Variants in PDE4D observed in about 807,000 individuals in gnomAD.
The protein encoded by PDE4D is phosphodiesterase 4D, also known as 3',5'-cyclic-AMP phosphodiesterase 4D.
PDE4D carries 24 observed loss-of-function variants against 87.4 expected under a neutral mutation model. The observed-to-expected ratio is 0.27, with a 90% CI of 0.20 to 0.39. The LOEUF (loss-of-function observed/expected upper bound fraction) is 0.39, where lower values mean the gene tolerates loss of function less well. Among genes scored for constraint, PDE4D ranks in the 10% least tolerant of loss-of-function variants. The pLI is 1.00. For synonymous variants in PDE4D, 384 were observed against 383.2 expected (o/e 1.00, Z -0.02); for missense variants, 714 against 1,041.0 (o/e 0.69, Z 4.32).
intron 1 of PDE4D, among the ~76,000 whole-genome samples, chr5:59,288,665 T>C (rs966413978): frequency 4.0e-5 from 6 of 151,418 alleles, no homozygotes; most frequent in South Asian, 2.1e-4. Flanking sequence ...ATACTCAAAC[T>C]CACAAAGGTC....
chr5:59,431,715 T>C (rs969138180), intron 1 of PDE4D, among the ~76,000 whole-genome samples: 3 of 152,078 alleles, frequency 2.0e-5, no homozygotes, highest in Non-Finnish European at 4.4e-5. Context: ...GTTGTACAGA[T>C]TATTTCATCA....
At position 58,977,363 on chromosome 5, in the gene PDE4D, G is replaced by T; in HGVS notation, c.1553-18C>A. The T allele has an allele frequency of 6.3e-7, 1 of 1,594,780 alleles. No homozygotes were observed. On this transcript the variant is annotated intron_variant, in intron 11 of 14. Coordinates refer to ENST00000340635, the MANE Select transcript of PDE4D (RefSeq NM_001104631.2). ...TTCAGAGTCTGTAAAAAAGACAAAAGGCCAAAGATCAGCAAAACTGTTTGT... is the reference window on the plus strand; with the variant it reads ...TTCAGAGTCTGTAAAAAAGACAAAATGCCAAAGATCAGCAAAACTGTTTGT...
At chr5:59,689,079 T>C (rs1750436263) in intron 1 of PDE4D, among the ~76,000 whole-genome samples, 1 of 152,074 alleles carries the variant, frequency 6.6e-6, no homozygotes. Flanking sequence ...CAATAATTAA[T>C]AGCCTACCAA....
intron 1 of PDE4D, among the ~76,000 whole-genome samples, chr5:59,627,994 T>C (rs1407071310): frequency 6.6e-6 from 1 of 152,226 alleles, no homozygotes; most frequent in Non-Finnish European, 1.5e-5. Context: ...CTTAAAGTTG[T>C]GTAAAACAGA....
At chr5:59,420,703 A>C (rs1439832378) in intron 1 of PDE4D, among the ~76,000 whole-genome samples, 1 of 151,968 alleles carries the variant, frequency 6.6e-6, no homozygotes, top group Non-Finnish European at 1.5e-5. Flanking sequence ...AAAAAAAAAA[A>C]AAACAAGAAA....
At chr5:59,217,375 C>T (rs757663579) in intron 1 of PDE4D, 12 of 430,556 alleles carry the variant, frequency 2.8e-5, no homozygotes, top group Non-Finnish European at 4.6e-5. Context: ...CCTTTATTTT[C>T]TTTATCGGAG....
At chr5:60,246,526 ACAGTC>A (rs1747800996) in intron 1 of PDE4D, among the ~76,000 whole-genome samples, 1 of 151,842 alleles carries the variant, frequency 6.6e-6, no homozygotes, top group Non-Finnish European at 1.5e-5. Context: ...AAATTATATT[ACAGTC>A]TACTAATTTT....
chr5:60,412,811 G>GT lies in PDE4D; in HGVS notation c.-90+75130dup, dbSNP rs572759085. Among the ~76,000 whole-genome samples, 31 of 152,232 alleles carry GT rather than the reference G, an allele frequency of 2.0e-4. No individual in the cohort carries two copies. The South Asian group carries it at 6.4e-3, about 32-fold the overall frequency. ...GTAAGGTAATAACAGCCAGCTGATT[G>GT]TTTTTTATTTGCCAAAGCCTATAGC... On this transcript the variant is annotated intron_variant, in intron 1 of 16. Coordinates refer to the PDE4D transcript ENST00000502484.
chr5:59,662,389 T>G (rs1174025814), intron 1 of PDE4D, among the ~76,000 whole-genome samples: 1 of 152,234 alleles, frequency 6.6e-6, no homozygotes, highest in Non-Finnish European at 1.5e-5. Context: ...TTGCTGACAA[T>G]GGAGCAGATG....
chr5:60,060,828 T>C (rs1771315462), intron 2 of PDE4D, among the ~76,000 whole-genome samples: 1 of 151,738 alleles, frequency 6.6e-6, no homozygotes, highest in Non-Finnish European at 1.5e-5. Context: ...ATCTTAGAAT[T>C]TGGTAATTGG....
intron 5 of PDE4D, among the ~76,000 whole-genome samples, chr5:59,138,529 C>T (rs1230480434): frequency 1.3e-5 from 2 of 152,176 alleles, no homozygotes; most frequent in Admixed American, 6.5e-5. Flanking sequence ...TTGTGATCCA[C>T]CCGCCTCCCA....
rs200610104 is a variant in PDE4D at position 59,244,722 on chromosome 5, GTA to G, written c.456-28756_456-28755del. 9.8e-3 allele frequency among the ~76,000 whole-genome samples: 1,239 copies of G among 126,738 alleles called. 30 individuals are homozygous for G. The highest frequency in any genetic ancestry group is 0.027 in the African/African-American group (947 of 34,710). The allele number at this position is 126,738 out of a possible 152,430, so 83.1% of individuals were successfully genotyped here. A position where few individuals can be genotyped will look rare whatever the true frequency, so the allele number is the denominator to read the frequency against. On this transcript the variant is annotated intron_variant, in intron 1 of 14. Transcript: ENST00000340635. ...TGTGTGTGTGTGTGTGTGTGTGTGT[GTA>G]TAGAGAGACCGACCTGATTTCATCT...
At chr5:60,404,285 G>A (rs1341716458) in intron 1 of PDE4D, among the ~76,000 whole-genome samples, 1 of 149,604 alleles carries the variant, frequency 6.7e-6, no homozygotes, top group Non-Finnish European at 1.5e-5. Context: ...TTGACTGCTT[G>A]GATAAAAAAA....
At chr5:59,405,985 A>G (rs1410045531) in intron 1 of PDE4D, among the ~76,000 whole-genome samples, 3 of 152,116 alleles carry the variant, frequency 2.0e-5, no homozygotes, top group Admixed American at 2.0e-4. Flanking sequence ...ATTGGCCTGT[A>G]GTTTTCTGTT....
intron 5 of PDE4D, among the ~76,000 whole-genome samples, chr5:59,106,292 T>C (rs191396623): frequency 5.3e-5 from 8 of 152,344 alleles, no homozygotes; most frequent in Admixed American, 2.6e-4. Flanking sequence ...GAACAACTTG[T>C]AGTTTTAAGA....
At chr5:60,159,985 T>C (rs1333899966) in intron 2 of PDE4D, among the ~76,000 whole-genome samples, 2 of 152,180 alleles carry the variant, frequency 1.3e-5, no homozygotes, top group Admixed American at 6.5e-5. Context: ...CCAACTTACA[T>C]GCAGATTTTC....
chr5:60,250,066 G>A (rs5024245), intron 1 of PDE4D, among the ~76,000 whole-genome samples: 80,793 of 151,774 alleles, frequency 0.53, 22,286 homozygotes, highest in African/African-American at 0.66. Flanking sequence ...TGTAACCCCA[G>A]TAATAGAAAA....
chr5:60,474,150 A>ATATATATATAT (rs1274940940), intron 1 of PDE4D, among the ~76,000 whole-genome samples: 176 of 96,294 alleles, frequency 1.8e-3, no homozygotes, highest in Middle Eastern at 9.3e-3. Context: ...ATATATATAT[A>ATATATATATAT]ACAAAAACCT....
intron 2 of PDE4D, among the ~76,000 whole-genome samples, chr5:60,034,890 C>G (rs1767618581): frequency 6.6e-6 from 1 of 152,096 alleles, no homozygotes; most frequent in African/African-American, 2.4e-5. Context: ...TTCTGAAGCC[C>G]TCATTGCTGT....
Sources: allele counts gnomAD v4.1 joint callset (sites outside exome capture counted in the v4.1 genomes callset), GRCh38; gene constraint gnomAD v4.1.1; transcripts MANE v1.5; gene names NCBI Gene and HGNC (gene_info 2026-07-23, HGNC 2026-07-21).